The following RAF1 variants were observed in gnomAD, a reference collection of about 807,000 sequenced individuals.
RAF1 encodes RAF proto-oncogene serine/threonine-protein kinase.
In RAF1, 27 loss-of-function variants were observed where a neutral mutation model predicts 81.1. The ratio of observed to expected loss-of-function variants is 0.33; its 90% CI spans 0.25 to 0.46. The LOEUF is 0.46. RAF1 is among the 20% of genes least tolerant of loss of function. RAF1 has a pLI of 1.00. For missense variants in RAF1, 598 were observed against 826.0 expected (o/e 0.72, Z 3.38); for synonymous variants, 298 against 294.0 (o/e 1.01, Z -0.14).
intron 1 of RAF1, among the ~76,000 whole-genome samples, chr3:12,621,300 C>A (rs1388942086): frequency 6.6e-6 from 1 of 152,204 alleles, no homozygotes; most frequent in African/African-American, 2.4e-5. Context: ...ATATATAACA[C>A]TAACACTCAA....
chr3:12,652,021 A>AATAC (rs2060545164), intron 1 of RAF1, among the ~76,000 whole-genome samples: 1 of 148,132 alleles, frequency 6.8e-6, no homozygotes, highest in Non-Finnish European at 1.5e-5. Flanking sequence ...AAAATAAATA[A>AATAC]ATAAATAAAT....
chr3:12,651,632 C>T (rs1459702077), intron 1 of RAF1, among the ~76,000 whole-genome samples: 1 of 145,150 alleles, frequency 6.9e-6, no homozygotes, highest in Non-Finnish European at 1.5e-5. Flanking sequence ...CTAGCCTGGG[C>T]AATAGAGCGA....
At chr3:12,596,970 C>A (rs1485799594) in intron 11 of RAF1, among the ~76,000 whole-genome samples, 1 of 151,698 alleles carries the variant, frequency 6.6e-6, no homozygotes, top group African/African-American at 2.4e-5. Flanking sequence ...ACGATCTCGG[C>A]TCACTGTAAG....
At chr3:12,601,620 A>G (rs926732191) in intron 8 of RAF1, among the ~76,000 whole-genome samples, 2 of 152,138 alleles carry the variant, frequency 1.3e-5, no homozygotes, top group Non-Finnish European at 2.9e-5. Context: ...GTTCCACACA[A>G]CTATTACTAG....
intron 1 of RAF1, among the ~76,000 whole-genome samples, chr3:12,649,905 G>A (rs1360150758): frequency 6.6e-6 from 1 of 151,956 alleles, no homozygotes; most frequent in Non-Finnish European, 1.5e-5. Context: ...CCAGCACTTT[G>A]GGAGGCCGAG....
intron 1 of RAF1, among the ~76,000 whole-genome samples, chr3:12,635,606 A>C (rs1470537197): frequency 6.4e-5 from 9 of 141,378 alleles, no homozygotes; most frequent in Non-Finnish European, 1.4e-4. Context: ...ATTGCACTCC[A>C]GCCTGGGCAA....
chr3:12,589,560 T>A (rs2058435858), intron 13 of RAF1: 1 of 152,134 alleles, frequency 6.6e-6, no homozygotes, highest in African/African-American at 2.4e-5. Context: ...TGAGTCCAGT[T>A]TGAGACCAGC....
intron 1 of RAF1, among the ~76,000 whole-genome samples, chr3:12,643,532 G>C (rs1451901701): frequency 1.3e-5 from 2 of 152,134 alleles, no homozygotes; most frequent in African/African-American, 4.8e-5. Context: ...CCTGAGGTCA[G>C]TAGTTCAAAA....
chr3:12,635,206 C>A (rs1446016388), intron 1 of RAF1, among the ~76,000 whole-genome samples: 4 of 151,488 alleles, frequency 2.6e-5, no homozygotes, highest in African/African-American at 4.8e-5. Context: ...GTAATCCCAG[C>A]TACTCAGGAG....
At chr3:12,630,298 C>T (rs1275287039) in intron 1 of RAF1, among the ~76,000 whole-genome samples, 1 of 152,138 alleles carries the variant, frequency 6.6e-6, no homozygotes, top group African/African-American at 2.4e-5. Context: ...TTCCCATATA[C>T]CAATTTTCGT....
In RAF1 at chr3:12,584,963, G is replaced by T. The variant is rs532786413; in HGVS notation, c.1747C>A (p.Arg583=). 1 of 1,614,036 alleles carries T rather than the reference G, an allele frequency of 6.2e-7. No individual in the cohort carries two copies. Among genetic ancestry groups the T allele is most frequent in the African/African-American group, 1.3e-5 (1 of 74,998 alleles). Residue 583 remains arginine, a synonymous_variant, in exon 17 of 18, where the codon CGA becomes AGA. Coordinates refer to ENST00000442415, the MANE Select transcript of RAF1 (RefSeq NM_001354689.3). ...CTAAGATCTGGGGAGGCATATCCTC[G>T]GCCCACCATGAAGATGATCTAAGGG...
intron 1 of RAF1, among the ~76,000 whole-genome samples, chr3:12,645,296 A>G (rs1045372144): frequency 6.6e-6 from 1 of 152,112 alleles, no homozygotes; most frequent in African/African-American, 2.4e-5. Flanking sequence ...ACAGCTTTAC[A>G]ATTTATTCAG....
At chr3:12,628,638 A>G (rs1277459283) in intron 1 of RAF1, among the ~76,000 whole-genome samples, 1 of 149,848 alleles carries the variant, frequency 6.7e-6, no homozygotes, top group African/African-American at 2.4e-5. Context: ...ACTGTAAGTT[A>G]TTTTGTGACC....
chr3:12,598,725 C>CAAAAAAAAAAAAAAAAAAAAAAAAAA lies in RAF1; in HGVS notation c.1168+940_1168+965dup, dbSNP rs59472802. On this transcript the variant is annotated intron_variant, in intron 11 of 17. Transcript: ENST00000442415. ...TGGGCAACAGAGCAAGAATCTATCTCAAAAAAAAAAAAAAAAAAAAAAAAA... is the reference window on the plus strand; with the variant it reads ...TGGGCAACAGAGCAAGAATCTATCTCAAAAAAAAAAAAAAAAAAAAAAAAAAAAAAAAAAAAAAAAAAAAAAAAAAA... Among the ~76,000 whole-genome samples, 10 of 61,966 alleles carry CAAAAAAAAAAAAAAAAAAAAAAAAAA rather than the reference C, an allele frequency of 1.6e-4. 1 individual carries two copies. Among genetic ancestry groups the CAAAAAAAAAAAAAAAAAAAAAAAAAA allele is most frequent in the Non-Finnish European group, 1.9e-4 (6 of 32,146 alleles). 40.7% of individuals were successfully genotyped at this position (61,966 alleles called of 152,430 possible).
intron 1 of RAF1, among the ~76,000 whole-genome samples, chr3:12,624,947 C>CA (rs2059660772): frequency 6.8e-6 from 1 of 146,086 alleles, no homozygotes; most frequent in Non-Finnish European, 1.5e-5. Flanking sequence ...AAAAGATGAA[C>CA]AATGCCATTG....
At chr3:12,635,288 C>T (rs555234155) in intron 1 of RAF1, among the ~76,000 whole-genome samples, 8 of 135,102 alleles carry the variant, frequency 5.9e-5, no homozygotes, top group Non-Finnish European at 9.1e-5. Context: ...CACTGTACTC[C>T]AGCCTGGGTG....
chr3:12,623,997 G>C (rs1259291279), intron 1 of RAF1, among the ~76,000 whole-genome samples: 2 of 151,816 alleles, frequency 1.3e-5, no homozygotes, highest in African/African-American at 4.8e-5. Context: ...TGGGATTACA[G>C]GCATGTACCA....
At chr3:12,643,018 CAGG>C (rs1382610528) in intron 1 of RAF1, among the ~76,000 whole-genome samples, 1 of 152,078 alleles carries the variant, frequency 6.6e-6, no homozygotes, top group African/African-American at 2.4e-5. Context: ...AGAACAGAAG[CAGG>C]AGGACATTGG....
At chr3:12,627,398 G>A (rs992108093) in intron 1 of RAF1, among the ~76,000 whole-genome samples, 3 of 152,034 alleles carry the variant, frequency 2.0e-5, no homozygotes, top group Non-Finnish European at 4.4e-5. Context: ...ATTCTACTCT[G>A]TTTTGCCTTC....
Sources: allele counts gnomAD v4.1 joint callset (sites outside exome capture counted in the v4.1 genomes callset), GRCh38; gene constraint gnomAD v4.1.1; transcripts MANE v1.5; gene names NCBI Gene and HGNC (gene_info 2026-07-23, HGNC 2026-07-21).